SGMS2: variants seen among roughly 807,000 people sequenced by gnomAD.
SGMS2 encodes phosphatidylcholine:ceramide cholinephosphotransferase 2.
Under a neutral mutation model 43.8 loss-of-function variants are expected in SGMS2, and 21 were observed. That is an observed-to-expected ratio of 0.48 (90% CI 0.34 to 0.69). The LOEUF (loss-of-function observed/expected upper bound fraction) is 0.69. Among genes scored for constraint, SGMS2 ranks in the 30% least tolerant of loss-of-function variants. SGMS2 has a pLI of 0.01. For missense variants in SGMS2, 384 were observed against 443.2 expected (o/e 0.87, Z 1.20); for synonymous variants, 167 against 160.6 (o/e 1.04, Z -0.30).
chr4:107,914,184 T>C lies in SGMS2; in HGVS notation c.*3631T>C, dbSNP rs1415652014. ...TCTTCTATTAAGAAGTGCTCTTGAC[T>C]TCAACACCCAAACACTGAAAATCAT... On this transcript the variant is annotated 3_prime_UTR_variant, in exon 7 of 7. Coordinates refer to ENST00000690982, the MANE Select transcript of SGMS2 (RefSeq NM_001375905.1). 2 of 152,118 alleles carry C rather than the reference T, an allele frequency of 1.3e-5. No homozygotes were observed. The highest frequency in any genetic ancestry group is 4.8e-5 in the African/African-American group (2 of 41,450). 9.4% of individuals were successfully genotyped at this position (152,118 alleles called of 1,614,324 possible).
At chr4:107,858,153 T>C (rs183949180) in intron 1 of SGMS2, among the ~76,000 whole-genome samples, 1 of 152,312 alleles carries the variant, frequency 6.6e-6, no homozygotes, top group African/African-American at 2.4e-5. Flanking sequence ...TCTTCTTGTT[T>C]ATCTGTGTGT....
intron 1 of SGMS2, among the ~76,000 whole-genome samples, chr4:107,849,785 T>G (rs1560636803): frequency 6.6e-6 from 1 of 152,336 alleles, no homozygotes; most frequent in African/African-American, 2.4e-5. Flanking sequence ...TTCCCTCTGC[T>G]CTCAATTAGA....
At position 107,913,007 on chromosome 4, in the gene SGMS2, A is replaced by G. The variant is rs187282517; in HGVS notation, c.*2454A>G. On this transcript the variant is annotated 3_prime_UTR_variant, in exon 7 of 7. Coordinates refer to ENST00000690982, the MANE Select transcript of SGMS2 (RefSeq NM_001375905.1). ...GAAAGAAAAGTTGAGCTTCAACCCA[A>G]TGTGCCACTTTGATATAAAACAAGT... 179 of 152,320 alleles carry G rather than the reference A, an allele frequency of 1.2e-3. No individual in the cohort carries two copies. Among genetic ancestry groups the G allele is most frequent in the African/African-American group, 4.2e-3 (173 of 41,578 alleles). The allele number at this position is 152,320 out of a possible 1,614,324, so 9.4% of individuals were successfully genotyped here.
chr4:107,855,009 G>A (rs1285213573), intron 1 of SGMS2, among the ~76,000 whole-genome samples: 2 of 151,996 alleles, frequency 1.3e-5, no homozygotes, highest in African/African-American at 4.8e-5. Flanking sequence ...TCTGAGTTTG[G>A]AAAATTTTTT....
chr4:107,892,110 GAA>G (rs34834888), intron 2 of SGMS2, among the ~76,000 whole-genome samples: 54 of 136,260 alleles, frequency 4.0e-4, no homozygotes, highest in Middle Eastern at 3.9e-3. Context: ...CTAGGAGCAG[GAA>G]AAAAAAAAAA....
intron 4 of SGMS2, among the ~76,000 whole-genome samples, chr4:107,900,938 A>G (rs1021149792): frequency 6.6e-6 from 1 of 152,208 alleles, no homozygotes; most frequent in African/African-American, 2.4e-5. Flanking sequence ...AAGGCGTGGG[A>G]GAAGTTCAGA....
chr4:107,846,113 T>TA (rs1726793531), intron 1 of SGMS2, among the ~76,000 whole-genome samples: 1 of 152,104 alleles, frequency 6.6e-6, no homozygotes, highest in East Asian at 1.9e-4. Context: ...GCTGTTTTTT[T>TA]TTATTATTAT....
intron 1 of SGMS2, among the ~76,000 whole-genome samples, chr4:107,845,888 G>C (rs1009858393): frequency 1.3e-5 from 2 of 152,168 alleles, no homozygotes; most frequent in African/African-American, 4.8e-5. Context: ...AAAGCTATAG[G>C]AGGCAGCAAT....
rs1240307418 is a variant in SGMS2, at chr4:107,914,548, A to G, written c.*3995A>G. The G allele has an allele frequency of 2.0e-5, 3 of 152,110 alleles. No individual in the cohort carries two copies. Among genetic ancestry groups the G allele is most frequent in the Non-Finnish European group, 4.4e-5 (3 of 67,984 alleles). The allele number at this position is 152,110 out of a possible 1,614,324, so 9.4% of individuals were successfully genotyped here. ...TTTGGAAATTTACTGTACTGTTTCA[A>G]TGTGTTAAGTGCCTTGTTGTAAAGT... On this transcript the variant is annotated 3_prime_UTR_variant, in exon 7 of 7. Transcript: ENST00000690982.
At chr4:107,852,410 T>C (rs965119407) in intron 1 of SGMS2, among the ~76,000 whole-genome samples, 5 of 152,182 alleles carry the variant, frequency 3.3e-5, no homozygotes, top group Admixed American at 6.5e-5. Context: ...AGTTTTTGTG[T>C]CATCTTTTCT....
chr4:107,856,511 A>C (rs1282599765), intron 1 of SGMS2, among the ~76,000 whole-genome samples: 1 of 152,178 alleles, frequency 6.6e-6, no homozygotes. Context: ...AACAATTGTA[A>C]TTGTCCACAG....
chr4:107,851,488 C>T (rs28577142), intron 1 of SGMS2, among the ~76,000 whole-genome samples: 2 of 152,188 alleles, frequency 1.3e-5, no homozygotes, highest in Non-Finnish European at 2.9e-5. Flanking sequence ...AGGGCACTGC[C>T]TAACCTGGAT....
At chr4:107,908,789 T>A in intron 6 of SGMS2, 58 bp downstream of exon 6, 1 of 1,514,330 alleles carries the variant, frequency 6.6e-7, no homozygotes, top group Non-Finnish European at 9.0e-7. Context: ...TGGACCCTTT[T>A]CATGTCGTGG....
intron 1 of SGMS2, among the ~76,000 whole-genome samples, chr4:107,858,033 T>C (rs1399021419): frequency 6.8e-6 from 1 of 146,866 alleles, no homozygotes; most frequent in Non-Finnish European, 1.5e-5. Context: ...CCAACCCTTA[T>C]TAAGTCTTAA....
At chr4:107,873,163 G>T (rs1338931034) in intron 2 of SGMS2, among the ~76,000 whole-genome samples, 1 of 152,158 alleles carries the variant, frequency 6.6e-6, no homozygotes, top group Non-Finnish European at 1.5e-5. Context: ...TTAGAATAGG[G>T]TAGAAGCTTG....
In SGMS2 at chr4:107,895,956, G is replaced by A. The variant is rs142216706; in HGVS notation, c.403G>A (p.Gly135Arg). 1.2e-6 allele frequency: 2 copies of A among 1,613,912 alleles called. No individual in the cohort carries two copies. The highest frequency in any genetic ancestry group is 1.7e-6 in the Non-Finnish European group (2 of 1,179,896). ...KWAFSVSEIN[G>R]IILVGLWITQ... ...GGCATTTTCTGTATCAGAAATAAATGGGATTATATTAGTTGGATTATGGAT... is the reference window on the plus strand; with the variant it reads ...GGCATTTTCTGTATCAGAAATAAATAGGATTATATTAGTTGGATTATGGAT... Residue 135 changes from glycine (G) to arginine (R), a missense_variant, in exon 3 of 7, where the codon GGG becomes AGG. Physicochemically the swap from Gly to Arg is moderately radical, Grantham distance 125. Coordinates refer to ENST00000690982, the MANE Select transcript of SGMS2 (RefSeq NM_001375905.1).
At chr4:107,883,769 T>A (rs895714150) in intron 2 of SGMS2, among the ~76,000 whole-genome samples, 1 of 152,144 alleles carries the variant, frequency 6.6e-6, no homozygotes, top group Non-Finnish European at 1.5e-5. Context: ...CTAATCTAAT[T>A]CCCTTAAGAT....
intron 1 of SGMS2, among the ~76,000 whole-genome samples, chr4:107,830,395 T>C (rs1725825642): frequency 6.6e-6 from 1 of 152,142 alleles, no homozygotes; most frequent in Non-Finnish European, 1.5e-5. Context: ...GGTCTATATC[T>C]AGTAATGGGA....
intron 1 of SGMS2, among the ~76,000 whole-genome samples, chr4:107,835,654 G>A (rs946094565): frequency 5.9e-5 from 9 of 152,070 alleles, no homozygotes; most frequent in South Asian, 4.1e-4. Context: ...TTGCTTTGTC[G>A]TGCCAGTATC....
Sources: gnomAD v4.1 joint callset for allele counts (sites outside exome capture counted in the v4.1 genomes callset) on GRCh38, gnomAD v4.1.1 for gene constraint, MANE v1.5 for transcripts, NCBI Gene and HGNC (gene_info 2026-07-23, HGNC 2026-07-21) for gene names.